Variants in MAP2K1 observed in about 807,000 individuals in gnomAD.
The protein encoded by MAP2K1 is dual specificity mitogen-activated protein kinase kinase 1.
MAP2K1 carries 16 observed loss-of-function variants against 46.3 expected under a neutral mutation model. The ratio of observed to expected loss-of-function variants is 0.35; its 90% CI spans 0.23 to 0.52. The LOEUF (loss-of-function observed/expected upper bound fraction) is 0.52. Among genes scored for constraint, MAP2K1 ranks in the 20% least tolerant of loss-of-function variants. MAP2K1 has a pLI of 0.94. For missense variants in MAP2K1, 263 were observed against 497.1 expected (o/e 0.53, Z 4.48); for synonymous variants, 183 against 185.6 (o/e 0.99, Z 0.11).
At position 66,390,407 on chromosome 15, in the gene MAP2K1, A is replaced by G. The variant is rs533681660; in HGVS notation, c.80+2980A>G. ...GCACAATTTTGAACGTTATCAGACA[A>G]TGTGAACTAAAGAGGAAGAAAATCC... On this transcript the variant is annotated intron_variant, in intron 1 of 10. Transcript: ENST00000307102. 2.8e-3 allele frequency among the ~76,000 whole-genome samples: 419 copies of G among 152,306 alleles called. 4 individuals carry two copies. The highest frequency in any genetic ancestry group is 9.9e-3 in the African/African-American group (410 of 41,548).
In MAP2K1 at chr15:66,481,981, G is replaced by C. The variant is rs559313678; in HGVS notation, c.693+102G>C. On this transcript the variant is annotated intron_variant, in intron 6 of 10. Transcript: ENST00000307102. ...AGCCAGAGTCTTGTGCTGGGTAGGG[G>C]ACAAGAAGTGAGGGAGGAGGCACAG... 1.4e-4 allele frequency: 198 copies of C among 1,403,774 alleles called. No individual in the cohort carries two copies. The African/African-American group carries it at 2.3e-3, about 16-fold the overall frequency. The allele number at this position is 1,403,774 out of a possible 1,614,324, so 87.0% of individuals were successfully genotyped here. A position where few individuals can be genotyped will look rare whatever the true frequency, so the allele number is the denominator to read the frequency against.
chr15:66,443,496 T>C, intron 4 of MAP2K1, 139 bp downstream of exon 4: 1 of 680,326 alleles, frequency 1.5e-6, no homozygotes, highest in Non-Finnish European at 2.7e-6. Context: ...ACTAGACTCT[T>C]CCCTGTCTGG....
At chr15:66,392,554 CTTT>C (rs71287024) in intron 1 of MAP2K1, among the ~76,000 whole-genome samples, 1 of 129,062 alleles carries the variant, frequency 7.7e-6, no homozygotes. Flanking sequence ...CTTTTCTTTT[CTTT>C]TTTTTTTTTT....
At chr15:66,481,136 C>T (rs895787214) in intron 5 of MAP2K1, among the ~76,000 whole-genome samples, 1 of 152,034 alleles carries the variant, frequency 6.6e-6, no homozygotes, top group African/African-American at 2.4e-5. Flanking sequence ...CAAGGGGTTC[C>T]CCTTGACTGG....
intron 5 of MAP2K1, among the ~76,000 whole-genome samples, chr15:66,458,619 C>T (rs1182910388): frequency 3.9e-5 from 6 of 152,200 alleles, no homozygotes; most frequent in African/African-American, 7.2e-5. Flanking sequence ...CCAGCTCAAG[C>T]GATCCTCTCA....
chr15:66,458,819 T>C (rs1892238989), intron 5 of MAP2K1, among the ~76,000 whole-genome samples: 1 of 152,178 alleles, frequency 6.6e-6, no homozygotes, highest in East Asian at 1.9e-4. Context: ...TGTGCTTAGC[T>C]GCCAGCTTAG....
chr15:66,415,038 C>T (rs2140543534), intron 1 of MAP2K1: 1 of 487,918 alleles, frequency 2.0e-6, no homozygotes, highest in Non-Finnish European at 4.1e-6. Context: ...AGATGCTCCC[C>T]TTCTTCATGT....
chr15:66,445,144 C>A (rs1891830737), intron 5 of MAP2K1, among the ~76,000 whole-genome samples: 1 of 50,758 alleles, frequency 2.0e-5, no homozygotes, highest in Admixed American at 3.7e-4. Flanking sequence ...GGCCGAGGGG[C>A]AGCGGGGGGA....
At chr15:66,430,997 A>G (rs2093473672) in intron 1 of MAP2K1, among the ~76,000 whole-genome samples, 1 of 152,174 alleles carries the variant, frequency 6.6e-6, no homozygotes. Flanking sequence ...TGCAGAATTC[A>G]CATTACAGTG....
At chr15:66,432,600 C>T (rs2093477547) in intron 1 of MAP2K1, among the ~76,000 whole-genome samples, 1 of 152,206 alleles carries the variant, frequency 6.6e-6, no homozygotes. Flanking sequence ...GTAGGGCACA[C>T]CATCTTTATG....
intron 2 of MAP2K1, among the ~76,000 whole-genome samples, chr15:66,435,695 T>G (rs2093486197): frequency 6.6e-6 from 1 of 152,194 alleles, no homozygotes; most frequent in Non-Finnish European, 1.5e-5. Flanking sequence ...ATGACTGTGT[T>G]AGTGTATTAA....
chr15:66,487,624 G>A lies in MAP2K1; in HGVS notation c.960+332G>A, dbSNP rs139518546. Among the ~76,000 whole-genome samples the A allele has an allele frequency of 2.8e-4, 43 of 152,176 alleles. 1 individual carries two copies. The highest frequency in any genetic ancestry group is 8.7e-4 in the African/African-American group (36 of 41,518). On this transcript the variant is annotated intron_variant, in intron 8 of 10. Coordinates refer to ENST00000307102, the MANE Select transcript of MAP2K1 (RefSeq NM_002755.4). ...AAACAAAAAAACAAAAAAACACATC[G>A]CTGTCACAGGTTCAGTCTACTAGGG...
chr15:66,421,539 G>A (rs570270959), intron 1 of MAP2K1, among the ~76,000 whole-genome samples: 15 of 151,274 alleles, frequency 9.9e-5, no homozygotes, highest in South Asian at 2.1e-4. Flanking sequence ...AGTGGTTCAC[G>A]CCTGTAATCT....
At chr15:66,417,428 C>G (rs773799397) in intron 1 of MAP2K1, among the ~76,000 whole-genome samples, 3 of 151,984 alleles carry the variant, frequency 2.0e-5, no homozygotes, top group Non-Finnish European at 2.9e-5. Flanking sequence ...AAAAATTAGC[C>G]AGGCATGGTG....
At chr15:66,469,691 A>G (rs1451023897) in intron 5 of MAP2K1, among the ~76,000 whole-genome samples, 1 of 21,192 alleles carries the variant, frequency 4.7e-5, no homozygotes, top group Non-Finnish European at 1.1e-4. Context: ...AATCCTTTTA[A>G]AGACACACAC....
chr15:66,478,442 GTA>G (rs1196770818), intron 5 of MAP2K1, among the ~76,000 whole-genome samples: 2 of 138,388 alleles, frequency 1.4e-5, no homozygotes, highest in Non-Finnish European at 1.5e-5. Context: ...ATACACACAG[GTA>G]TATATATATA....
chr15:66,398,768 ATT>A (rs35657608), intron 1 of MAP2K1, among the ~76,000 whole-genome samples: 3 of 106,370 alleles, frequency 2.8e-5, no homozygotes, highest in East Asian at 2.7e-4. Context: ...AGTATTGCTA[ATT>A]TTTTTTTTTT....
At chr15:66,490,102 C>T in intron 10 of MAP2K1, 1 of 529,960 alleles carries the variant, frequency 1.9e-6, no homozygotes, top group Non-Finnish European at 3.4e-6. Flanking sequence ...GAGTCACTCT[C>T]CGCCTGCTGT....
chr15:66,410,804 A>G (rs910116349), intron 1 of MAP2K1, among the ~76,000 whole-genome samples: 1 of 152,220 alleles, frequency 6.6e-6, no homozygotes, highest in Non-Finnish European at 1.5e-5. Context: ...GAAACTGTAC[A>G]TGAACTACTC....
Sources: gnomAD v4.1 joint callset for allele counts (sites outside exome capture counted in the v4.1 genomes callset) on GRCh38, gnomAD v4.1.1 for gene constraint, MANE v1.5 for transcripts, NCBI Gene and HGNC (gene_info 2026-07-23, HGNC 2026-07-21) for gene names.